The following CCNY variants were observed in gnomAD, a reference collection of about 807,000 sequenced individuals.
CCNY encodes cyclin Y.
In CCNY, 19 loss-of-function variants were observed where a neutral mutation model predicts 42.8. The observed-to-expected ratio is 0.44, with a 90% confidence interval of 0.31 to 0.65. The LOEUF is 0.65. Among genes scored for constraint, CCNY ranks in the 30% least tolerant of loss-of-function variants. CCNY has a pLI of 0.07. For missense variants in CCNY, 370 were observed against 437.3 expected (o/e 0.85, Z 1.37); for synonymous variants, 165 against 162.7 (o/e 1.01, Z -0.11).
intron 3 of CCNY, among the ~76,000 whole-genome samples, chr10:35,273,042 A>T (rs1835192772): frequency 6.6e-6 from 1 of 151,058 alleles, no homozygotes; most frequent in Non-Finnish European, 1.5e-5. Context: ...TTTTTTTCAC[A>T]TGCTTGTTAC....
chr10:35,319,786 T>C (rs1835801021), intron 3 of CCNY, among the ~76,000 whole-genome samples: 1 of 151,996 alleles, frequency 6.6e-6, no homozygotes, highest in Admixed American at 6.6e-5. Flanking sequence ...CTGTCTCTAC[T>C]GAAAATACAA....
intron 1 of CCNY, among the ~76,000 whole-genome samples, chr10:35,402,913 G>A (rs982958639): frequency 6.6e-6 from 1 of 152,084 alleles, no homozygotes; most frequent in African/African-American, 2.4e-5. Context: ...GTATAGAGGT[G>A]GGAAGGCTAA....
At position 35,571,676 on chromosome 10, in the gene CCNY, A is replaced by T. The variant is rs994691479; in HGVS notation, c.*2506A>T. 1 of 152,356 alleles carries T rather than the reference A, an allele frequency of 6.6e-6. No homozygotes were observed. Among genetic ancestry groups the T allele is most frequent in the Non-Finnish European group, 1.5e-5 (1 of 68,022 alleles). 9.4% of individuals were successfully genotyped at this position (152,356 alleles called of 1,614,324 possible). ...TTATGTTTTCTTCTCTGATTTGTTC[A>T]AAGTTTGCCAAAAGAAAACACAAAA... On this transcript the variant is annotated 3_prime_UTR_variant, in exon 10 of 10. Transcript: ENST00000374704.
chr10:35,337,103 G>A lies in CCNY; in HGVS notation c.50G>A (p.Arg17Lys). 8 of 1,595,108 alleles carry A rather than the reference G, an allele frequency of 5.0e-6. No homozygotes were observed. Among genetic ancestry groups the A allele is most frequent in the Non-Finnish European group, 6.8e-6 (8 of 1,172,740 alleles). Residue 17 changes from arginine to lysine, a missense_variant, in exon 1 of 10, where the codon AGG (arginine) becomes AAG (lysine). Around this residue, in one of 2 missense-constraint regions of CCNY, gnomAD observed 136 missense variants for 124.2 expected, o/e 1.09. Coordinates refer to ENST00000374704, the MANE Select transcript of CCNY (RefSeq NM_145012.6). ...CCVSSSPKLR[R>K]NAHSRLESYR... ...GTGTCGTCCAGTCCCAAGCTCCGGA[G>A]GAATGCCCACTCCCGGCTGGAGTCC...
chr10:35,252,397 C>G (rs1422337777), intron 3 of CCNY, among the ~76,000 whole-genome samples: 1 of 151,852 alleles, frequency 6.6e-6, no homozygotes, highest in Non-Finnish European at 1.5e-5. Flanking sequence ...AACCCCGTCT[C>G]TACTAAAAAT....
At chr10:35,295,388 C>CCGT (rs1835459997) in intron 3 of CCNY, among the ~76,000 whole-genome samples, 1 of 151,868 alleles carries the variant, frequency 6.6e-6, no homozygotes, top group Non-Finnish European at 1.5e-5. Flanking sequence ...TGTGCCACCA[C>CCGT]GCCTGGCTAA....
At chr10:35,307,579 A>T (rs1835622143) in intron 3 of CCNY, among the ~76,000 whole-genome samples, 1 of 152,092 alleles carries the variant, frequency 6.6e-6, no homozygotes, top group Non-Finnish European at 1.5e-5. Flanking sequence ...GGCACAATTC[A>T]GATCTTTATG....
rs370999761 is a variant in CCNY at position 35,362,828 on chromosome 10, G to T, written c.154+25621G>T. On this transcript the variant is annotated intron_variant, in intron 1 of 9. Transcript: ENST00000374704. ...CCTCACTCCCCAGATAGTTGGCGGG[G>T]GGGCCAGGCAGAAGCACTCCTCACT... Among the ~76,000 whole-genome samples the T allele has an allele frequency of 4.6e-4, 68 of 146,962 alleles. 2 individuals are homozygous for T. In the South Asian group the frequency reaches 0.014, roughly 30 times the overall value.
At chr10:35,432,955 CT>C (rs1363888527) in intron 1 of CCNY, among the ~76,000 whole-genome samples, 6 of 152,192 alleles carry the variant, frequency 3.9e-5, no homozygotes, top group Non-Finnish European at 7.3e-5. Flanking sequence ...ATATTTTGAA[CT>C]AGACTAACGT....
chr10:35,260,425 C>T (rs1006807940), intron 3 of CCNY, among the ~76,000 whole-genome samples: 1 of 152,160 alleles, frequency 6.6e-6, no homozygotes, highest in Admixed American at 6.6e-5. Context: ...TCCCACCACT[C>T]CCCTCCCCTC....
At position 35,336,913 on chromosome 10, in the gene CCNY, C is replaced by T. The variant is rs1836048182; in HGVS notation, c.-141C>T. On this transcript the variant is annotated 5_prime_UTR_variant, in exon 1 of 10. Transcript: ENST00000374704. ...CCGCCGCTGCTGACCCGGCGGCCGG[C>T]CGCCGTTCCGCCCCCTCCCGTGGCG... 2 of 273,418 alleles carry T rather than the reference C, an allele frequency of 7.3e-6. 1 individual carries two copies. 16.9% of individuals were successfully genotyped at this position (273,418 alleles called of 1,614,324 possible).
intron 1 of CCNY, among the ~76,000 whole-genome samples, chr10:35,427,375 A>T (rs1180017789): frequency 1.3e-5 from 2 of 152,184 alleles, no homozygotes; most frequent in African/African-American, 4.8e-5. Context: ...CTCCTGTGGA[A>T]GCACCCAGAT....
In CCNY at chr10:35,361,006, G is replaced by A. The variant is rs188170203; in HGVS notation, c.154+23799G>A. ...CTCATGAGTAGCTGAGATTACAGAC[G>A]CCCACCACCATGCCCAGCTAATTTT... On this transcript the variant is annotated intron_variant, in intron 1 of 9. Transcript: ENST00000374704. 6.8e-3 allele frequency among the ~76,000 whole-genome samples: 1,030 copies of A among 151,912 alleles called. 10 individuals carry two copies. The highest frequency in any genetic ancestry group is 0.024 in the African/African-American group (984 of 41,372).
At chr10:35,349,022 A>G (rs187136918) in intron 1 of CCNY, among the ~76,000 whole-genome samples, 6 of 152,198 alleles carry the variant, frequency 3.9e-5, no homozygotes, top group South Asian at 4.2e-4. Flanking sequence ...ATTTTTTCCA[A>G]CCAAACCAGG....
At chr10:35,465,947 GTGTGTGTGTGTGTC>G (rs1310037150) in intron 1 of CCNY, among the ~76,000 whole-genome samples, 9 of 151,262 alleles carry the variant, frequency 5.9e-5, no homozygotes, top group Admixed American at 1.3e-4. Flanking sequence ...GAGTGTGTGT[GTGTGTGTGTGTGTC>G]TGTGTGTGTG....
At chr10:35,409,227 G>A (rs984027306) in intron 1 of CCNY, among the ~76,000 whole-genome samples, 5 of 152,196 alleles carry the variant, frequency 3.3e-5, no homozygotes, top group Admixed American at 6.5e-5. Context: ...GGCAGGTCTC[G>A]CATCTGCCAT....
At chr10:35,308,437 G>A (rs1835640704) in intron 3 of CCNY, among the ~76,000 whole-genome samples, 1 of 152,048 alleles carries the variant, frequency 6.6e-6, no homozygotes, top group Non-Finnish European at 1.5e-5. Context: ...CTGTAGTCCT[G>A]GCTACTTGGG....
chr10:35,446,735 G>C (rs1013030052), intron 1 of CCNY, among the ~76,000 whole-genome samples: 3 of 152,178 alleles, frequency 2.0e-5, no homozygotes, highest in Non-Finnish European at 2.9e-5. Flanking sequence ...GACAGTGCTG[G>C]GTTGCTCCTC....
intron 1 of CCNY, among the ~76,000 whole-genome samples, chr10:35,465,936 A>AGT (rs1273592792): frequency 5.9e-4 from 70 of 117,652 alleles, no homozygotes; most frequent in Admixed American, 4.9e-3. Flanking sequence ...AGAGAGAGAG[A>AGT]GAGTGTGTGT....
Sources: allele counts gnomAD v4.1 joint callset (sites outside exome capture counted in the v4.1 genomes callset), GRCh38; gene constraint gnomAD v4.1.1; regional missense constraint gnomAD v4.1.1; transcripts MANE v1.5; gene names NCBI Gene and HGNC (gene_info 2026-07-23, HGNC 2026-07-21).